TMEM161B: variants seen among roughly 807,000 people sequenced by gnomAD.
The protein encoded by TMEM161B is transmembrane protein 161B.
Under a neutral mutation model 61.8 loss-of-function variants are expected in TMEM161B, and 34 were observed. The observed-to-expected ratio is 0.55, with a 90% CI of 0.42 to 0.73. The LOEUF is 0.73. Among genes scored for constraint, TMEM161B ranks in the 30% least tolerant of loss-of-function variants. The probability of loss-of-function intolerance (pLI) is 0.00; values close to 1 mark genes in which losing one functional copy is unlikely to be tolerated. For synonymous variants in TMEM161B, 167 were observed against 192.8 expected, an observed-to-expected ratio of 0.87 and a Z score of 1.11; for missense variants, 456 against 558.5, an observed-to-expected ratio of 0.82 and a Z score of 1.85.
At chr5:88,202,932 A>T in intron 9 of TMEM161B, 30 bp downstream of exon 9, 1 of 1,424,082 alleles carries the variant, frequency 7.0e-7, no homozygotes, top group East Asian at 2.3e-5. Context: ...TTTTGGTGAT[A>T]AAAATCAGCC....
At chr5:88,265,757 TTTTCATCA>T in intron 1 of TMEM161B, among the ~76,000 whole-genome samples, 2 of 152,260 alleles carry the variant, frequency 1.3e-5, no homozygotes, top group African/African-American at 4.8e-5. Context: ...AAAAGAAAAC[TTTTCATCA>T]AATCCAATTG....
chr5:88,225,746 C>A, intron 4 of TMEM161B, 23 bp downstream of exon 4: 1 of 1,463,320 alleles, frequency 6.8e-7, no homozygotes, highest in Non-Finnish European at 9.5e-7. Context: ...ATTTATAGAA[C>A]ATTTTATCAA....
chr5:88,204,046 A>C (rs1744976973), intron 8 of TMEM161B, among the ~76,000 whole-genome samples: 1 of 151,972 alleles, frequency 6.6e-6, no homozygotes, highest in Non-Finnish European at 1.5e-5. Context: ...ATACACACAA[A>C]CACCACATTT....
chr5:88,188,262 G>A (rs1287117875), downstream of TMEM161B, among the ~76,000 whole-genome samples: 2 of 142,400 alleles, frequency 1.4e-5, no homozygotes, highest in Non-Finnish European at 3.0e-5. Context: ...GTACCACCAT[G>A]TCCAGCTAAT....
downstream of TMEM161B, among the ~76,000 whole-genome samples, chr5:88,189,170 G>A (rs953207343): frequency 2.6e-5 from 4 of 152,166 alleles, 1 homozygote; most frequent in South Asian, 8.3e-4. Flanking sequence ...CTTGTACTGG[G>A]TGGCATTATA....
intron 1 of TMEM161B, among the ~76,000 whole-genome samples, chr5:88,265,886 C>A (rs886128121): frequency 1.3e-5 from 2 of 152,130 alleles, no homozygotes; most frequent in Non-Finnish European, 2.9e-5. Context: ...AGATGCAAGC[C>A]GTGATATCTG....
At chr5:88,249,501 C>T (rs3099439) in intron 1 of TMEM161B, among the ~76,000 whole-genome samples, 66,162 of 151,754 alleles carry the variant, frequency 0.44, 16,014 homozygotes, top group East Asian at 0.64. Flanking sequence ...TTCTTTCAAT[C>T]TTGCACGTAG....
chr5:88,244,685 T>C (rs951660566), intron 1 of TMEM161B, among the ~76,000 whole-genome samples: 6 of 151,266 alleles, frequency 4.0e-5, no homozygotes, highest in African/African-American at 9.7e-5. Context: ...AAGAATGTCA[T>C]TGGCAGTTTT....
chr5:88,225,222 C>T (rs1168307844), intron 4 of TMEM161B, among the ~76,000 whole-genome samples: 5 of 152,148 alleles, frequency 3.3e-5, no homozygotes, highest in African/African-American at 4.8e-5. Flanking sequence ...CCGCCTTGGC[C>T]TCCCAAAGTG....
intron 2 of TMEM161B, among the ~76,000 whole-genome samples, chr5:88,236,257 C>T (rs1439995361): frequency 6.6e-6 from 1 of 152,054 alleles, no homozygotes; most frequent in Admixed American, 6.6e-5. Context: ...CCAAACTAGA[C>T]TTCAGAAGAT....
At chr5:88,259,726 T>C (rs983935324) in intron 1 of TMEM161B, among the ~76,000 whole-genome samples, 1 of 152,230 alleles carries the variant, frequency 6.6e-6, no homozygotes, top group Non-Finnish European at 1.5e-5. Context: ...CTATGCCGGA[T>C]AGTAATGATT....
downstream of TMEM161B, among the ~76,000 whole-genome samples, chr5:88,187,285 T>C (rs988510098): frequency 2.0e-5 from 3 of 152,236 alleles, no homozygotes; most frequent in African/African-American, 7.2e-5. Flanking sequence ...ACTTTTTCCA[T>C]TGCAAAATAC....
At chr5:88,192,449 G>T (rs948239766), downstream of TMEM161B, among the ~76,000 whole-genome samples, 12 of 152,124 alleles carry the variant, frequency 7.9e-5, no homozygotes, top group Admixed American at 7.2e-4. Flanking sequence ...AAAAGGAAAA[G>T]GTTGACATTA....
At chr5:88,261,864 G>A (rs1022124350) in intron 1 of TMEM161B, among the ~76,000 whole-genome samples, 1 of 151,964 alleles carries the variant, frequency 6.6e-6, no homozygotes, top group Non-Finnish European at 1.5e-5. Context: ...GATGGCTGTG[G>A]ACAAGGCAAC....
At chr5:88,206,977 A>G in intron 6 of TMEM161B, 52 bp downstream of exon 6, 2 of 1,538,768 alleles carry the variant, frequency 1.3e-6, no homozygotes, top group Non-Finnish European at 1.8e-6. Context: ...AGTCAAAAAT[A>G]TTAACACTAG....
downstream of TMEM161B, among the ~76,000 whole-genome samples, chr5:88,190,491 C>T (rs1029338128): frequency 2.0e-5 from 3 of 152,122 alleles, no homozygotes; most frequent in Non-Finnish European, 4.4e-5. Flanking sequence ...GGAGAAAGTC[C>T]TTTTCTTCTT....
At chr5:88,232,294 T>C (rs894159732) in intron 2 of TMEM161B, among the ~76,000 whole-genome samples, 1 of 152,134 alleles carries the variant, frequency 6.6e-6, no homozygotes, top group Non-Finnish European at 1.5e-5. Flanking sequence ...TGTCCATGAA[T>C]GACCATAAAA....
chr5:88,224,959 GTTTTTGTTTTTTTTTT>G (rs1749738773), intron 4 of TMEM161B, among the ~76,000 whole-genome samples: 1 of 101,202 alleles, frequency 9.9e-6, no homozygotes, highest in Non-Finnish European at 1.9e-5. Flanking sequence ...CACAAAATAT[GTTTTTGTTTTTTTTTT>G]TTTTTTTTTT....
chr5:88,189,797 A>G, exon 13 of TMEM161B: 1 of 419,942 alleles, frequency 2.4e-6, no homozygotes, highest in Non-Finnish European at 4.3e-6. Flanking sequence ...TAGAAGGGGT[A>G]CATCTAATTT....
Sources: gnomAD v4.1 joint callset for allele counts (sites outside exome capture counted in the v4.1 genomes callset) on GRCh38, gnomAD v4.1.1 for gene constraint, MANE v1.5 for transcripts, NCBI Gene and HGNC (gene_info 2026-07-23, HGNC 2026-07-21) for gene names.